The following LY75 variants were observed in gnomAD, a reference collection of about 807,000 sequenced individuals.
LY75 encodes C-type lectin domain family 13 member B.
Under a neutral mutation model 231.7 loss-of-function variants are expected in LY75, and 185 were observed. The ratio of observed to expected loss-of-function variants is 0.80; its 90% confidence interval spans 0.71 to 0.90. LY75 has a LOEUF of 0.90. Among genes scored for constraint, LY75 ranks in the 40% least tolerant of loss-of-function variants. The pLI, the probability that LY75 is intolerant of heterozygous loss-of-function variation, is 0.00. For missense variants in LY75, 1,947 were observed against 2,050.2 expected, an observed-to-expected ratio of 0.95 and a Z score of 0.97; for synonymous variants, 668 against 689.0, an observed-to-expected ratio of 0.97 and a Z score of 0.48.
intron 1 of LY75, among the ~76,000 whole-genome samples, chr2:159,901,920 G>T (rs537311193): frequency 1.3e-5 from 2 of 152,076 alleles, no homozygotes; most frequent in African/African-American, 4.8e-5. Flanking sequence ...ATGCTTCCCC[G>T]TATCTTTCTT....
At chr2:159,883,812 C>A (rs548939640) in intron 6 of LY75, among the ~76,000 whole-genome samples, 1 of 152,284 alleles carries the variant, frequency 6.6e-6, no homozygotes, top group African/African-American at 2.4e-5. Context: ...AATATCCCCT[C>A]AGATTCTTTA....
chr2:159,841,279 G>GT (rs1684020423), intron 24 of LY75, among the ~76,000 whole-genome samples: 1 of 152,132 alleles, frequency 6.6e-6, no homozygotes, highest in Admixed American at 6.6e-5. Flanking sequence ...GGAAATAAAT[G>GT]TATTAAGTAT....
At chr2:159,866,241 A>G (rs1405217815) in intron 13 of LY75, among the ~76,000 whole-genome samples, 1 of 152,210 alleles carries the variant, frequency 6.6e-6, no homozygotes, top group African/African-American at 2.4e-5. Context: ...AATAAAATGT[A>G]CTAGTGAATC....
intron 11 of LY75, 151 bp downstream of exon 11, chr2:159,878,173 A>T: frequency 9.3e-7 from 1 of 1,073,594 alleles, no homozygotes; most frequent in Non-Finnish European, 1.3e-6. Context: ...AGACATAGCC[A>T]CTGCTTCTAT....
At chr2:159,850,602 A>C in intron 21 of LY75, 135 bp from the exon 22 acceptor site, 2 of 1,074,654 alleles carry the variant, frequency 1.9e-6, no homozygotes, top group Non-Finnish European at 2.6e-6. Flanking sequence ...GTAGTACCAT[A>C]AGAATTCAAG....
chr2:159,872,288 A>T, intron 13 of LY75, 163 bp downstream of exon 13: 1 of 811,250 alleles, frequency 1.2e-6, no homozygotes, highest in Non-Finnish European at 1.9e-6. Context: ...TCTGCACATT[A>T]AGAGTGCTTA....
In LY75 at chr2:159,904,698, G is replaced by T; in HGVS notation, c.-16C>A. 7.1e-7 allele frequency: 1 copy of T among 1,414,642 alleles called. No individual in the cohort carries two copies. 87.6% of individuals were successfully genotyped at this position (1,414,642 alleles called of 1,614,324 possible). On this transcript the variant is annotated 5_prime_UTR_variant, in exon 1 of 35. Coordinates refer to ENST00000263636, the MANE Select transcript of LY75 (RefSeq NM_002349.4). ...CTGTCCTCATCCTGAGCTGGCGCAAGCCTTCCGGCCGGGTCCTCGGGCGCA... is the reference window on the plus strand; with the variant it reads ...CTGTCCTCATCCTGAGCTGGCGCAATCCTTCCGGCCGGGTCCTCGGGCGCA...
chr2:159,870,711 T>C (rs965848261), intron 13 of LY75, among the ~76,000 whole-genome samples: 3 of 149,938 alleles, frequency 2.0e-5, no homozygotes, highest in African/African-American at 7.3e-5. Context: ...AGGGTCTCCC[T>C]ATGCTACCCA....
intron 23 of LY75, among the ~76,000 whole-genome samples, chr2:159,846,416 A>G (rs776962837): frequency 6.6e-6 from 1 of 152,098 alleles, no homozygotes; most frequent in African/African-American, 2.4e-5. Flanking sequence ...AGTCCTAGCT[A>G]CTTGGAAGGC....
intron 20 of LY75, 79 bp from the exon 21 acceptor site, chr2:159,852,419 TTTG>T (rs879171151): frequency 4.9e-6 from 7 of 1,440,242 alleles, no homozygotes; most frequent in African/African-American, 2.8e-5. Context: ...TGTGTTTTTT[TTTG>T]TTTTTTTTTT....
chr2:159,871,253 C>T (rs1475629567), intron 13 of LY75, among the ~76,000 whole-genome samples: 3 of 152,188 alleles, frequency 2.0e-5, no homozygotes, highest in East Asian at 3.9e-4. Context: ...AAGATGATCA[C>T]ATGACTTGTG....
intron 28 of LY75, among the ~76,000 whole-genome samples, chr2:159,823,950 C>T (rs906216639): frequency 1.4e-4 from 22 of 152,130 alleles, no homozygotes; most frequent in African/African-American, 5.1e-4. Flanking sequence ...CTGAAGGAAG[C>T]ACTAAACATG....
At chr2:159,887,088 C>T (rs894195164) in intron 4 of LY75, among the ~76,000 whole-genome samples, 1 of 149,266 alleles carries the variant, frequency 6.7e-6, no homozygotes, top group African/African-American at 2.5e-5. Flanking sequence ...TGTATAGGAG[C>T]TGTTTCATAG....
chr2:159,902,292 G>T (rs2125888508), intron 1 of LY75: 1 of 152,272 alleles, frequency 6.6e-6, no homozygotes, highest in South Asian at 2.1e-4. Flanking sequence ...TTACCCCCTA[G>T]ATGCATTTTG....
intron 16 of LY75, among the ~76,000 whole-genome samples, chr2:159,857,643 G>A (rs1684587809): frequency 6.6e-6 from 1 of 152,208 alleles, no homozygotes. Context: ...GCCAGTGGCT[G>A]AGGCAGGAGA....
intron 1 of LY75, among the ~76,000 whole-genome samples, chr2:159,901,410 G>A (rs899046677): frequency 2.0e-5 from 3 of 152,182 alleles, no homozygotes; most frequent in Non-Finnish European, 4.4e-5. Context: ...CAGGAGACGT[G>A]CCCATCACCC....
In LY75 at chr2:159,898,790, G is replaced by A. The variant is rs746947744; in HGVS notation, c.364C>T (p.Arg122Trp). The part of the protein sequence containing the change: ...HHSLYGAARY[R>W]LALKDGHGTA... Reference sequence around the variant, plus strand: ...CCATGTCCATCCTTCAGAGCCAGCCGGTACCGGGCAGCTCCGTACAGAGAG... The same window carrying A: ...CCATGTCCATCCTTCAGAGCCAGCCAGTACCGGGCAGCTCCGTACAGAGAG... Residue 122 changes from arginine (R) to tryptophan (W), a missense_variant, in exon 2 of 35, where the codon CGG becomes TGG. By Grantham distance (101) the Arg-to-Trp change is moderately radical. Transcript: ENST00000263636. The A allele has an allele frequency of 1.8e-5, 29 of 1,614,102 alleles. No individual in the cohort carries two copies. The highest frequency in any genetic ancestry group is 2.2e-5 in the East Asian group (1 of 44,898).
chr2:159,847,929 C>T (rs887911486), intron 23 of LY75, among the ~76,000 whole-genome samples: 1 of 151,824 alleles, frequency 6.6e-6, no homozygotes, highest in Non-Finnish European at 1.5e-5. Context: ...AAACTGGAAA[C>T]AACCTAACAC....
Position 159,842,237 on chromosome 2 carries a change from A to G in LY75, c.3280+8T>C, listed in dbSNP as rs1045822131. 2.6e-5 allele frequency: 42 copies of G among 1,608,616 alleles called. No individual in the cohort carries two copies. The East Asian group carries it at 9.2e-4, about 35-fold the overall frequency. On this transcript the variant is annotated splice_region_variant and intron_variant, in intron 24 of 34. Transcript: ENST00000263636. ...AAGTACCATAGTTATCTAGATAATAATTGTTACCTGAATATTTCTGACAGA... is the reference window on the plus strand; with the variant it reads ...AAGTACCATAGTTATCTAGATAATAGTTGTTACCTGAATATTTCTGACAGA...
Sources: gnomAD v4.1 joint callset for allele counts (sites outside exome capture counted in the v4.1 genomes callset) on GRCh38, gnomAD v4.1.1 for gene constraint, MANE v1.5 for transcripts, NCBI Gene and HGNC (gene_info 2026-07-23, HGNC 2026-07-21) for gene names.